The following SLC35E3 variants were observed in gnomAD, a reference collection of about 807,000 sequenced individuals.
SLC35E3 encodes solute carrier family 35 member E3.
In SLC35E3, 28 loss-of-function variants were observed where a neutral mutation model predicts 30.8. The observed-to-expected ratio is 0.91, with a 90% CI of 0.67 to 1.25. SLC35E3 has a LOEUF of 1.25. Among genes scored for constraint, SLC35E3 ranks in the 50% most tolerant of loss-of-function variants. The pLI is 0.00. For missense variants in SLC35E3, 365 were observed against 375.4 expected (o/e 0.97, Z 0.23); for synonymous variants, 146 against 149.2 (o/e 0.98, Z 0.16).
At position 68,778,465 on chromosome 12, in the gene SLC35E3, A is replaced by G. The variant is rs1020204457; in HGVS notation, c.*13575A>G. On this transcript the variant is annotated 3_prime_UTR_variant, in exon 5 of 5. Transcript: ENST00000398004. ...CAGAGATCATATTATAAATAGTTGG[A>G]AGATTTATTTTTTATTTTGTTTTTT... 1 of 152,162 alleles carries G rather than the reference A, an allele frequency of 6.6e-6. No individual in the cohort carries two copies. The highest frequency in any genetic ancestry group is 1.5e-5 in the Non-Finnish European group (1 of 68,046). 9.4% of individuals were successfully genotyped at this position (152,162 alleles called of 1,614,324 possible). A position where few individuals can be genotyped will look rare whatever the true frequency, so the allele number is the denominator to read the frequency against.
In SLC35E3 at chr12:68,748,034, T is replaced by G. The variant is rs775929399; in HGVS notation, c.507T>G (p.Tyr169Ter). The change falls in exon 2 of 5, where the codon TAT (tyrosine) becomes TAG (stop). Residue 169 changes from tyrosine (Y) to a stop codon, truncating the protein, a stop_gained. Transcript: ENST00000398004. LOFTEE classifies it high-confidence loss of function. ...TTGGTGTTTTAGTTACATCCCTTTA[T>G]CAAGTGGTTGGTAATTTTTTTTTCT... ...AALGVLVTSL[Y>*]QVWVGAKQHE... 1.2e-5 allele frequency: 19 copies of G among 1,588,370 alleles called. No homozygotes were observed. The highest frequency in any genetic ancestry group is 1.5e-5 in the Non-Finnish European group (18 of 1,161,878).
At chr12:68,749,637 CT>C (rs1364430016) in intron 2 of SLC35E3, among the ~76,000 whole-genome samples, 11 of 152,150 alleles carry the variant, frequency 7.2e-5, no homozygotes, top group Non-Finnish European at 1.6e-4. Flanking sequence ...GAAGTGGCAG[CT>C]CTTAAAGAGG....
chr12:68,764,240 G>T (rs1057008595), intron 4 of SLC35E3, among the ~76,000 whole-genome samples: 1 of 152,280 alleles, frequency 6.6e-6, no homozygotes, highest in East Asian at 1.9e-4. Flanking sequence ...AGGCAGTCTT[G>T]TGTCTCTGAT....
chr12:68,758,468 T>G (rs532758101), intron 3 of SLC35E3, among the ~76,000 whole-genome samples: 12 of 152,162 alleles, frequency 7.9e-5, no homozygotes, highest in Non-Finnish European at 1.6e-4. Context: ...GATGTTAATG[T>G]GTGGGTGGTT....
chr12:68,746,653 C>A lies in SLC35E3; in HGVS notation c.276C>A (p.Asn92Lys), dbSNP rs745367231. ...LSFCGFVVFT[N>K]LSLQNNTIGT... ...TCTGTGGCTTTGTGGTCTTCACTAA[C>A]CTTTCTCTGCAGAACAACACCATAG... Residue 92 changes from asparagine to lysine, a missense_variant, in exon 1 of 5, where the codon AAC (asparagine) becomes AAA (lysine). Transcript: ENST00000398004. 6.2e-7 allele frequency: 1 copy of A among 1,614,264 alleles called. No homozygotes were observed. The highest frequency in any genetic ancestry group is 1.1e-5 in the South Asian group (1 of 91,090).
chr12:68,760,706 T>C (rs936382689), intron 4 of SLC35E3, among the ~76,000 whole-genome samples: 25 of 152,150 alleles, frequency 1.6e-4, no homozygotes, highest in Non-Finnish European at 2.9e-5. Flanking sequence ...AACCAGTCAT[T>C]GATATAAAAA....
chr12:68,774,083 T>C lies in SLC35E3; in HGVS notation c.*9193T>C, dbSNP rs1051112955. ...TTCCTGCCTTAAATGTAGCTGCGGATGTCTAGAATTGTGCTAATCAGCTTA... is the reference window on the plus strand; with the variant it reads ...TTCCTGCCTTAAATGTAGCTGCGGACGTCTAGAATTGTGCTAATCAGCTTA... On this transcript the variant is annotated 3_prime_UTR_variant, in exon 5 of 5. Transcript: ENST00000398004. The C allele has an allele frequency of 6.6e-6, 1 of 152,262 alleles. No homozygotes were observed. The highest frequency in any genetic ancestry group is 3.4e-3 in the Middle Eastern group (1 of 294). The allele number at this position is 152,262 out of a possible 1,614,324, so 9.4% of individuals were successfully genotyped here.
At position 68,775,894 on chromosome 12, in the gene SLC35E3, G is replaced by A. The variant is rs1879726156; in HGVS notation, c.*11004G>A. The stretch of plus-strand genomic sequence containing the variant: ...ACCCGAGAGGCAGAGGTTGCAGTAA[G>A]CTGGAATCACACTATTACACTCCAG... On this transcript the variant is annotated 3_prime_UTR_variant, in exon 5 of 5. Transcript: ENST00000398004. 7.8e-6 allele frequency: 1 copy of A among 128,090 alleles called. No homozygotes were observed. 7.9% of individuals were successfully genotyped at this position (128,090 alleles called of 1,614,324 possible). A position where few individuals can be genotyped will look rare whatever the true frequency, so the allele number is the denominator to read the frequency against.
At chr12:68,755,803 C>G (rs936990088) in intron 3 of SLC35E3, among the ~76,000 whole-genome samples, 4 of 152,218 alleles carry the variant, frequency 2.6e-5, no homozygotes, top group Non-Finnish European at 2.9e-5. Flanking sequence ...CCAAGCCATT[C>G]ATGAGGGATC....
chr12:68,749,461 CTCAT>C (rs1324100509), intron 2 of SLC35E3, among the ~76,000 whole-genome samples: 1 of 152,310 alleles, frequency 6.6e-6, no homozygotes, highest in African/African-American at 2.4e-5. Flanking sequence ...AGATGGTTGA[CTCAT>C]TCATTCGTTC....
intron 3 of SLC35E3, among the ~76,000 whole-genome samples, chr12:68,755,129 G>T (rs781501240): frequency 1.3e-5 from 2 of 152,082 alleles, no homozygotes; most frequent in Non-Finnish European, 2.9e-5. Context: ...AAGCTCTCTT[G>T]TATCTCTTCT....
intron 2 of SLC35E3, among the ~76,000 whole-genome samples, chr12:68,748,349 G>C (rs1404195528): frequency 2.0e-5 from 3 of 152,044 alleles, no homozygotes; most frequent in Non-Finnish European, 1.5e-5. Context: ...TCCTAAGTTT[G>C]TTATGTTTTC....
rs554571415 is a variant in SLC35E3 at position 68,768,547 on chromosome 12, A to G, written c.*3657A>G. ...CTAGGACCAAGCACGGAGACAAACC[A>G]GATACAGTGCTTTCAAAGAAAACAT... On this transcript the variant is annotated 3_prime_UTR_variant, in exon 5 of 5. Coordinates refer to ENST00000398004, the MANE Select transcript of SLC35E3 (RefSeq NM_018656.5). 24 of 152,388 alleles carry G rather than the reference A, an allele frequency of 1.6e-4. No individual in the cohort carries two copies. The highest frequency in any genetic ancestry group is 2.0e-4 in the Admixed American group (3 of 15,304). The allele number at this position is 152,388 out of a possible 1,614,324, so 9.4% of individuals were successfully genotyped here.
At chr12:68,750,401 T>G (rs1878745135) in intron 2 of SLC35E3, among the ~76,000 whole-genome samples, 1 of 152,238 alleles carries the variant, frequency 6.6e-6, no homozygotes, top group Non-Finnish European at 1.5e-5. Context: ...GGCAGGCATC[T>G]GCCTTAAAAA....
chr12:68,770,297 G>A lies in SLC35E3; in HGVS notation c.*5407G>A, dbSNP rs1163195240. On this transcript the variant is annotated 3_prime_UTR_variant, in exon 5 of 5. Coordinates refer to ENST00000398004, the MANE Select transcript of SLC35E3 (RefSeq NM_018656.5). ...ATACAATACCTGGAGGCTATGGTAA[G>A]CATCTTTAGTAAGAGCAAGGGGGAG... is the stretch of plus-strand genomic sequence containing the variant. 6.6e-6 allele frequency: 1 copy of A among 152,254 alleles called. No individual in the cohort carries two copies. Among genetic ancestry groups the A allele is most frequent in the Non-Finnish European group, 1.5e-5 (1 of 68,072 alleles). The allele number at this position is 152,254 out of a possible 1,614,324, so 9.4% of individuals were successfully genotyped here.
intron 3 of SLC35E3, among the ~76,000 whole-genome samples, chr12:68,754,933 C>G (rs1230484935): frequency 1.3e-5 from 2 of 152,122 alleles, no homozygotes; most frequent in Non-Finnish European, 2.9e-5. Context: ...GTTCAGGCTG[C>G]TATAACAAAA....
intron 3 of SLC35E3, among the ~76,000 whole-genome samples, chr12:68,752,778 G>T (rs1334451806): frequency 2.0e-5 from 3 of 152,028 alleles, no homozygotes; most frequent in Non-Finnish European, 4.4e-5. Context: ...GGCTGAGGCG[G>T]GTGGATCACT....
At position 68,777,210 on chromosome 12, in the gene SLC35E3, T is replaced by G. The variant is rs1218148960; in HGVS notation, c.*12320T>G. ...GACAGCTGCATCAGAGGCCTCCCAG[T>G]GCCATAGGACCATGGACATTGGTGA... On this transcript the variant is annotated 3_prime_UTR_variant, in exon 5 of 5. Coordinates refer to ENST00000398004, the MANE Select transcript of SLC35E3 (RefSeq NM_018656.5). The G allele has an allele frequency of 1.3e-5, 2 of 152,156 alleles. No individual in the cohort carries two copies. Among genetic ancestry groups the G allele is most frequent in the African/African-American group, 4.8e-5 (2 of 41,434 alleles). The allele number at this position is 152,156 out of a possible 1,614,324, so 9.4% of individuals were successfully genotyped here.
intron 2 of SLC35E3, among the ~76,000 whole-genome samples, chr12:68,750,698 GCA>G (rs1878756779): frequency 6.6e-6 from 1 of 152,206 alleles, no homozygotes; most frequent in Non-Finnish European, 1.5e-5. Flanking sequence ...AGGCAGGTGA[GCA>G]CACACCCTCT....
Sources: gnomAD v4.1 joint callset for allele counts (sites outside exome capture counted in the v4.1 genomes callset) on GRCh38, gnomAD v4.1.1 for gene constraint, MANE v1.5 for transcripts, NCBI Gene and HGNC (gene_info 2026-07-23, HGNC 2026-07-21) for gene names.